ASIC2: variants seen among roughly 807,000 people sequenced by gnomAD.
The protein encoded by ASIC2 is acid sensing ion channel subunit 2, also known as acid-sensing ion channel 2.
In ASIC2, 25 loss-of-function variants were observed where a neutral mutation model predicts 57.3. That is an observed-to-expected ratio of 0.44 (90% CI 0.32 to 0.61). ASIC2 has a LOEUF of 0.61. Among genes scored for constraint, ASIC2 ranks in the 20% least tolerant of loss-of-function variants. The probability of loss-of-function intolerance (pLI) is 0.06; values close to 1 mark genes in which losing one functional copy is unlikely to be tolerated. For synonymous variants in ASIC2, 319 were observed against 307.5 expected (o/e 1.04, Z -0.39); for missense variants, 641 against 738.1 (o/e 0.87, Z 1.52).
chr17:33,370,719 G>A (rs918912332), intron 1 of ASIC2, among the ~76,000 whole-genome samples: 2 of 152,206 alleles, frequency 1.3e-5, no homozygotes, highest in South Asian at 2.1e-4. Flanking sequence ...TAGCACAGCA[G>A]GGTACAGTAG....
intron 3 of ASIC2, among the ~76,000 whole-genome samples, chr17:33,088,423 G>T (rs571243522): frequency 1.3e-5 from 2 of 152,168 alleles, no homozygotes; most frequent in Admixed American, 1.3e-4. Flanking sequence ...ATGTAACAAG[G>T]GCTCGCTCCA....
At chr17:33,159,041 A>T (rs896902354) in intron 1 of ASIC2, among the ~76,000 whole-genome samples, 1 of 152,274 alleles carries the variant, frequency 6.6e-6, no homozygotes, top group African/African-American at 2.4e-5. Context: ...GTGACTGGGG[A>T]TGTGCGTGGT....
chr17:33,778,180 A>T (rs534250474), intron 1 of ASIC2, among the ~76,000 whole-genome samples: 2 of 152,266 alleles, frequency 1.3e-5, no homozygotes, highest in African/African-American at 4.8e-5. Flanking sequence ...CTGAGATCTC[A>T]GGGGGAATTG....
chr17:33,666,606 G>A (rs1332019153), intron 1 of ASIC2, among the ~76,000 whole-genome samples: 2 of 152,168 alleles, frequency 1.3e-5, no homozygotes, highest in African/African-American at 2.4e-5. Context: ...GGGGGCATCC[G>A]CTGGGTTGTG....
chr17:33,560,454 G>A (rs1916039175), intron 1 of ASIC2, among the ~76,000 whole-genome samples: 1 of 152,328 alleles, frequency 6.6e-6, no homozygotes, highest in African/African-American at 2.4e-5. Flanking sequence ...TTTAGATAAG[G>A]AAAATTGGCA....
Position 34,156,190 on chromosome 17 carries a change from C to T in ASIC2, c.343G>A (p.Ala115Thr), listed in dbSNP as rs772952887. 3.1e-6 allele frequency: 5 copies of T among 1,614,066 alleles called. No individual in the cohort carries two copies. In the Admixed American group the frequency reaches 6.7e-5, roughly 22 times the overall value. Residue 115 changes from alanine to threonine, a missense_variant, in exon 1 of 10, where the codon GCC becomes ACC. Transcript: ENST00000359872. This position sits in a 1 kb window ranked among gnomAD's most constrained non-coding sequence, Gnocchi z 4.4. ...ATCTGCAGGTTGACATCCAGCAGGG[C>T]CAGCAGCTCCCCAGCATGGTACAGG...
intron 1 of ASIC2, among the ~76,000 whole-genome samples, chr17:33,962,602 G>A (rs1419193010): frequency 3.3e-5 from 5 of 152,092 alleles, no homozygotes; most frequent in East Asian, 1.9e-4. Flanking sequence ...GCTCATGTTC[G>A]CTTGTACTGG....
rs187741085 is a variant in ASIC2, at chr17:33,434,838, A to C, written c.556-322771T>G. 4.0e-3 allele frequency among the ~76,000 whole-genome samples: 606 copies of C among 152,334 alleles called. 3 individuals are homozygous for C. Among genetic ancestry groups the C allele is most frequent in the Non-Finnish European group, 6.7e-3 (453 of 68,034 alleles). On this transcript the variant is annotated intron_variant, in intron 1 of 9. Coordinates refer to the ASIC2 transcript ENST00000359872. ...GGTATGCAATGGCTATCTGATTTGA[A>C]AATGTAGATATAATACAACTACAAA...
At chr17:34,068,771 C>G (rs1017460473) in intron 1 of ASIC2, among the ~76,000 whole-genome samples, 5 of 152,186 alleles carry the variant, frequency 3.3e-5, no homozygotes, top group Admixed American at 3.3e-4. Flanking sequence ...TGCCCCACCC[C>G]AGGCCTGGCA....
chr17:33,664,836 C>T (rs1484641015), intron 1 of ASIC2, among the ~76,000 whole-genome samples: 1 of 152,130 alleles, frequency 6.6e-6, no homozygotes, highest in Admixed American at 6.5e-5. Context: ...CCGCAAGAAA[C>T]CGTGAGCTGA....
At chr17:33,862,238 T>C (rs1914120251) in intron 1 of ASIC2, among the ~76,000 whole-genome samples, 1 of 152,208 alleles carries the variant, frequency 6.6e-6, no homozygotes, top group Non-Finnish European at 1.5e-5. Context: ...TCTTTTAATA[T>C]TTGTAACACA....
At chr17:33,627,362 T>C (rs542464599) in intron 1 of ASIC2, 1 of 152,408 alleles carries the variant, frequency 6.6e-6, no homozygotes, top group Admixed American at 6.5e-5. Flanking sequence ...GTGCTTTATT[T>C]ATTCCTTTAT....
chr17:34,078,833 A>C (rs1230034320), intron 1 of ASIC2: 1 of 152,070 alleles, frequency 6.6e-6, no homozygotes, highest in Non-Finnish European at 1.5e-5. Context: ...ACCACAGCAG[A>C]CCCTGGGTCT....
chr17:34,015,503 C>T (rs140133004), intron 1 of ASIC2, among the ~76,000 whole-genome samples: 2 of 152,320 alleles, frequency 1.3e-5, no homozygotes, highest in Non-Finnish European at 2.9e-5. Flanking sequence ...TTCATGAGGC[C>T]CAGGGGCGAG....
At position 34,031,050 on chromosome 17, in the gene ASIC2, G is replaced by C. The variant is rs369646998; in HGVS notation, c.555+124928C>G. On this transcript the variant is annotated intron_variant, in intron 1 of 9. Coordinates refer to the ASIC2 transcript ENST00000359872. ...AGCACACAGCTGGAGATCTGAGATC[G>C]GGCAGACTGCCTCCTCAAGTGGGTC... is the stretch of plus-strand genomic sequence containing the variant. Among the ~76,000 whole-genome samples, 7 of 152,334 alleles carry C rather than the reference G, an allele frequency of 4.6e-5. No individual in the cohort carries two copies. In the East Asian group the frequency reaches 9.7e-4, roughly 21 times the overall value.
intron 1 of ASIC2, among the ~76,000 whole-genome samples, chr17:33,581,996 C>T (rs1165778300): frequency 2.6e-5 from 4 of 152,168 alleles, no homozygotes; most frequent in Non-Finnish European, 5.9e-5. Flanking sequence ...TGTCCCCACA[C>T]CTTGGTGTTT....
intron 1 of ASIC2, among the ~76,000 whole-genome samples, chr17:33,396,567 T>C (rs1348491713): frequency 6.6e-6 from 1 of 152,142 alleles, no homozygotes; most frequent in African/African-American, 2.4e-5. Context: ...TCTTTGTGAC[T>C]TCAAAGCTCA....
At chr17:33,768,110 G>A (rs374991415) in intron 1 of ASIC2, among the ~76,000 whole-genome samples, 1 of 151,894 alleles carries the variant, frequency 6.6e-6, no homozygotes, top group African/African-American at 2.4e-5. Context: ...CTGGGTTCAC[G>A]CCATTCTCCT....
chr17:33,248,593 C>G (rs1056376783), intron 1 of ASIC2, among the ~76,000 whole-genome samples: 3 of 152,228 alleles, frequency 2.0e-5, no homozygotes, highest in Non-Finnish European at 4.4e-5. Context: ...TTTCACTGAG[C>G]TGGAACCATT....
Sources: allele counts gnomAD v4.1 joint callset (sites outside exome capture counted in the v4.1 genomes callset), GRCh38; gene constraint gnomAD v4.1.1; non-coding constraint Gnocchi (gnomAD v3.1); transcripts MANE v1.5; gene names NCBI Gene and HGNC (gene_info 2026-07-23, HGNC 2026-07-21).